Variants in ZNF732 observed in about 807,000 individuals in gnomAD.
ZNF732 encodes the protein zinc finger protein 732.
A neutral mutation model predicts 11.5 loss-of-function variants in ZNF732; 12 were observed. The observed-to-expected ratio is 1.05, with a 90% CI of 0.67 to 1.70. The LOEUF (loss-of-function observed/expected upper bound fraction) is 1.70. ZNF732 is among the 40% of genes most tolerant of loss of function. The pLI is 0.00. For synonymous variants in ZNF732, 231 were observed against 236.5 expected (o/e 0.98, Z 0.21); for missense variants, 702 against 676.9 (o/e 1.04, Z -0.41).
At position 271,351 on chromosome 4, in the gene ZNF732, G is replaced by A. The variant is rs1162875703; in HGVS notation, c.1506C>T (p.Tyr502=). ...HKTIHTGEKP[Y]ECEECGKAFG... ...AGGCTTTGCCACACTCTTCACATTCGTAAGGTTTCTCTCCAGTATGAATTG... is the reference window on the plus strand; with the variant it reads ...AGGCTTTGCCACACTCTTCACATTCATAAGGTTTCTCTCCAGTATGAATTG... The change falls in exon 4 of 4, where the codon TAC becomes TAT. Residue 502 remains tyrosine, a synonymous_variant. Coordinates refer to ENST00000419098, the MANE Select transcript of ZNF732 (RefSeq NM_001137608.3). 25 of 1,602,568 alleles carry A rather than the reference G, an allele frequency of 1.6e-5. No individual in the cohort carries two copies. The highest frequency in any genetic ancestry group is 4.5e-5 in the East Asian group (2 of 44,356).
intron 3 of ZNF732, among the ~76,000 whole-genome samples, chr4:283,912 T>G (rs917291834): frequency 1.3e-5 from 2 of 151,852 alleles, no homozygotes; most frequent in East Asian, 3.9e-4. Context: ...CTTGTTTGTG[T>G]TTTTTTTAGT....
At chr4:299,845 C>A (rs1340570185) in intron 1 of ZNF732, among the ~76,000 whole-genome samples, 17 of 146,640 alleles carry the variant, frequency 1.2e-4, no homozygotes, top group African/African-American at 3.5e-4. Flanking sequence ...TACAGGCATG[C>A]GCCACCATGC....
intron 3 of ZNF732, among the ~76,000 whole-genome samples, chr4:289,878 T>C (rs1039266178): frequency 1.8e-4 from 28 of 152,270 alleles, no homozygotes; most frequent in African/African-American, 5.8e-4. Context: ...TGTAATTTGA[T>C]GTGAGATTTG....
At position 277,872 on chromosome 4, in the gene ZNF732, A is replaced by C. The variant is rs782454040; in HGVS notation, c.227-5242T>G. 1.7e-4 allele frequency among the ~76,000 whole-genome samples: 26 copies of C among 152,236 alleles called. No homozygotes were observed. In the South Asian group the frequency reaches 3.1e-3, roughly 18 times the overall value. On this transcript the variant is annotated intron_variant, in intron 3 of 3. Coordinates refer to ENST00000419098, the MANE Select transcript of ZNF732 (RefSeq NM_001137608.3). ...GATTGCTGGAACATACGTTAGTCCT[A>C]TTTTGTTTGTAGCTAAAGAAAACAA...
At chr4:299,541 A>G (rs1247050014) in intron 1 of ZNF732, among the ~76,000 whole-genome samples, 5 of 135,994 alleles carry the variant, frequency 3.7e-5, no homozygotes, top group Admixed American at 7.5e-5. Flanking sequence ...ATACATATAT[A>G]CACATATATA....
At chr4:295,566 T>C in intron 2 of ZNF732, 33 bp from the exon 3 acceptor site, 1 of 1,547,564 alleles carries the variant, frequency 6.5e-7, no homozygotes, top group Non-Finnish European at 8.8e-7. Flanking sequence ...ATGCTACTGT[T>C]AGGGATTCTC....
intron 3 of ZNF732, among the ~76,000 whole-genome samples, chr4:292,013 A>G (rs782759399): frequency 6.6e-6 from 1 of 152,222 alleles, no homozygotes; most frequent in Non-Finnish European, 1.5e-5. Flanking sequence ...GATATCCACA[A>G]GCTAAAGAAT....
At chr4:283,513 CA>C (rs1257301713) in intron 3 of ZNF732, among the ~76,000 whole-genome samples, 101 of 130,264 alleles carry the variant, frequency 7.8e-4, no homozygotes, top group Middle Eastern at 3.9e-3. Context: ...AAATCTGCCA[CA>C]AAAAAAAAAA....
intron 3 of ZNF732, among the ~76,000 whole-genome samples, chr4:281,427 A>G (rs1488898911): frequency 2.2e-4 from 34 of 152,244 alleles, no homozygotes; most frequent in Admixed American, 2.2e-3. Flanking sequence ...GCGACACAGC[A>G]GGAGCCACAC....
At chr4:293,255 T>C (rs1247089175) in intron 3 of ZNF732, among the ~76,000 whole-genome samples, 7 of 131,856 alleles carry the variant, frequency 5.3e-5, no homozygotes, top group Non-Finnish European at 9.6e-5. Flanking sequence ...TATATATATA[T>C]ACACATATAT....
rs554243218 is a variant in ZNF732, at chr4:272,069, G to A, written c.788C>T (p.Ser263Leu). Reference protein sequence around the residue: ...EECGKAFNRSSTLTKHKRIHA... With the variant: ...EECGKAFNRSLTLTKHKRIHA... ...AATTCTCTTATGCTTAGTAAGGGTT[G>A]AGGACCTATTAAAGGCTTTGCCACA... Residue 263 changes from serine (S) to leucine (L), a missense_variant, in exon 4 of 4, where the codon TCA (serine) becomes TTA (leucine). This residue lies in a region of ZNF732 where 596 missense variants were observed against 557.9 expected (regional missense o/e 1.07). Coordinates refer to ENST00000419098, the MANE Select transcript of ZNF732 (RefSeq NM_001137608.3). 1.9e-5 allele frequency: 30 copies of A among 1,611,618 alleles called. No homozygotes were observed. In the East Asian group the frequency reaches 6.5e-4, roughly 35 times the overall value.
chr4:279,456 AAC>A (rs1553839357), intron 3 of ZNF732, among the ~76,000 whole-genome samples: 198 of 151,312 alleles, frequency 1.3e-3, no homozygotes, highest in South Asian at 3.1e-3. Context: ...AAAAAAAAAA[AAC>A]AACAACCAGA....
intron 3 of ZNF732, among the ~76,000 whole-genome samples, chr4:284,478 A>AT (rs1719686093): frequency 6.6e-6 from 1 of 152,164 alleles, no homozygotes; most frequent in Non-Finnish European, 1.5e-5. Context: ...AATCTCAAAC[A>AT]CTGTAACTTT....
chr4:286,421 TAATA>T (rs1455511348), intron 3 of ZNF732, among the ~76,000 whole-genome samples: 3 of 152,240 alleles, frequency 2.0e-5, no homozygotes, highest in Non-Finnish European at 2.9e-5. Flanking sequence ...AAACTTTTCT[TAATA>T]AAGACAATTT....
intron 1 of ZNF732, among the ~76,000 whole-genome samples, chr4:299,802 T>A (rs1195674455): frequency 6.7e-6 from 1 of 149,458 alleles, no homozygotes; most frequent in African/African-American, 2.5e-5. Context: ...ATTCCAATGA[T>A]TCTCCAGCCT....
Position 272,298 on chromosome 4 carries a change from C to A in ZNF732, c.559G>T (p.Gly187Ter), listed in dbSNP as rs1553837874. 1 of 1,612,914 alleles carries A rather than the reference C, an allele frequency of 6.2e-7. No homozygotes were observed. The highest frequency in any genetic ancestry group is 1.7e-5 in the Admixed American group (1 of 59,866). ...QKFSDLTQHQ[G>*]IHAGEKPYTC... Reference sequence around the variant, plus strand: ...TAGGGTTTCTCTCCAGCATGAATTCCTTGATGTTGAGTTAGGTCTGAGAAC... The same window carrying A: ...TAGGGTTTCTCTCCAGCATGAATTCATTGATGTTGAGTTAGGTCTGAGAAC... The change falls in exon 4 of 4, where the codon GGA becomes TGA. Residue 187 changes from glycine to a stop codon, truncating the protein, a stop_gained. Coordinates refer to ENST00000419098, the MANE Select transcript of ZNF732 (RefSeq NM_001137608.3). LOFTEE classifies it low-confidence loss of function (END_TRUNC).
chr4:271,892 G>C lies in ZNF732; in HGVS notation c.965C>G (p.Thr322Ser). ...GKVFNRSTTL[T>S]KHNRIHTGEK... Reference sequence around the variant, plus strand: ...TCCAGTATGAATTCTGTTATGTTTAGTAAGGGTTGTGGACCTATTAAAGAC... The same window carrying C: ...TCCAGTATGAATTCTGTTATGTTTACTAAGGGTTGTGGACCTATTAAAGAC... Residue 322 changes from threonine (T) to serine (S), a missense_variant, in exon 4 of 4, where the codon ACT becomes AGT. Thr to Ser is a moderately conservative substitution (Grantham distance 58). Around this residue, in one of 3 missense-constraint regions of ZNF732, gnomAD observed 596 missense variants for 557.9 expected, o/e 1.07. Transcript: ENST00000419098. 1 of 1,612,320 alleles carries C rather than the reference G, an allele frequency of 6.2e-7. No individual in the cohort carries two copies.
At chr4:290,100 G>A (rs1207557867) in intron 3 of ZNF732, among the ~76,000 whole-genome samples, 6 of 152,166 alleles carry the variant, frequency 3.9e-5, no homozygotes, top group Non-Finnish European at 8.8e-5. Flanking sequence ...CTAACGAAGT[G>A]ACAGTGTAAG....
chr4:293,212 T>C lies in ZNF732; in HGVS notation c.226+2226A>G, dbSNP rs1719877550. On this transcript the variant is annotated intron_variant, in intron 3 of 3. Transcript: ENST00000419098. ...TCTTCAGCCCATGTTTGCTGTAGTA[T>C]ATTTACAATAGCCAAAATATGGTGT... is the stretch of plus-strand genomic sequence containing the variant. Among the ~76,000 whole-genome samples, 3 of 140,626 alleles carry C rather than the reference T, an allele frequency of 2.1e-5. No homozygotes were observed. In the South Asian group the frequency reaches 6.4e-4, roughly 30 times the overall value. 92.3% of individuals were successfully genotyped at this position (140,626 alleles called of 152,430 possible). A position where few individuals can be genotyped will look rare whatever the true frequency, so the allele number is the denominator to read the frequency against.
Sources: allele counts gnomAD v4.1 joint callset (sites outside exome capture counted in the v4.1 genomes callset), GRCh38; gene constraint gnomAD v4.1.1; regional missense constraint gnomAD v4.1.1; transcripts MANE v1.5; gene names NCBI Gene and HGNC (gene_info 2026-07-23, HGNC 2026-07-21).